The following SPRED2 variants were observed in gnomAD, a reference collection of about 807,000 sequenced individuals.
SPRED2 encodes sprouty-related, EVH1 domain-containing protein 2.
In SPRED2, 47 loss-of-function variants were observed where a neutral mutation model predicts 43.0. The observed-to-expected ratio is 1.09, with a 90% CI of 0.87 to 1.40. The LOEUF (loss-of-function observed/expected upper bound fraction) is 1.40. Among genes scored for constraint, SPRED2 ranks in the 40% most tolerant of loss-of-function variants. The pLI is 0.00. For missense variants in SPRED2, 561 were observed against 586.4 expected (o/e 0.96, Z 0.45); for synonymous variants, 225 against 225.7 (o/e 1.00, Z 0.03).
intron 1 of SPRED2, among the ~76,000 whole-genome samples, chr2:65,431,233 G>GCGCCCCCAGCGCGATGCCCCGCA (rs1676680303): frequency 6.6e-6 from 1 of 151,410 alleles, no homozygotes; most frequent in Admixed American, 6.6e-5. Context: ...ACACACACGC[G>GCGCCCCCAGCGCGATGCCCCGCA]CGCCCCCAGC....
At chr2:65,378,565 G>A (rs1393181127) in intron 1 of SPRED2, among the ~76,000 whole-genome samples, 1 of 152,188 alleles carries the variant, frequency 6.6e-6, no homozygotes, top group Non-Finnish European at 1.5e-5. Flanking sequence ...AAAAAGAGCT[G>A]TTAAAATGGC....
chr2:65,387,707 AT>A (rs1489339225), intron 1 of SPRED2, among the ~76,000 whole-genome samples: 1 of 152,194 alleles, frequency 6.6e-6, no homozygotes, highest in Non-Finnish European at 1.5e-5. Context: ...GAAACTAAAA[AT>A]GCCGATTTAC....
rs10541896 is a variant in SPRED2 at position 65,419,577 on chromosome 2, T to TTGTGTG, written c.26+12379_26+12384dup. On this transcript the variant is annotated intron_variant, in intron 1 of 5. Transcript: ENST00000356388. ...GCACTTCCCTTCACAGGGATTATAG[T>TTGTGTG]TGTGTGTGTGTGTGTGTGTGTGTGT... Among the ~76,000 whole-genome samples the TTGTGTG allele has an allele frequency of 3.8e-3, 566 of 148,978 alleles. 2 individuals carry two copies. Among genetic ancestry groups the TTGTGTG allele is most frequent in the Non-Finnish European group, 5.1e-3 (343 of 67,358 alleles).
At chr2:65,349,308 CAAAAAA>C (rs59019958) in intron 1 of SPRED2, among the ~76,000 whole-genome samples, 2 of 83,704 alleles carry the variant, frequency 2.4e-5, no homozygotes, top group Non-Finnish European at 2.3e-5. Context: ...GACTCTGTCT[CAAAAAA>C]AAAAAAAAAA....
intron 1 of SPRED2, among the ~76,000 whole-genome samples, chr2:65,430,951 T>A (rs1197439936): frequency 6.6e-6 from 1 of 151,592 alleles, no homozygotes; most frequent in Non-Finnish European, 1.5e-5. Context: ...ACCCCAGGCA[T>A]AAGACTTGAG....
rs1676052968 is a variant in SPRED2 at position 65,407,485 on chromosome 2, G to T, written c.26+24477C>A. ...CTATTGCTGTGTAGCCATGAGAGCT[G>T]CAATCAAGAAGGTAGGTGCATGGCA... is the stretch of plus-strand genomic sequence containing the variant. On this transcript the variant is annotated intron_variant, in intron 1 of 5. Transcript: ENST00000356388. Among the ~76,000 whole-genome samples the T allele has an allele frequency of 1.3e-5, 2 of 152,014 alleles. 1 individual carries two copies. Among genetic ancestry groups the T allele is most frequent in the South Asian group, 4.2e-4 (2 of 4,814 alleles).
chr2:65,384,878 C>T (rs1429663329), intron 1 of SPRED2, among the ~76,000 whole-genome samples: 6 of 152,148 alleles, frequency 3.9e-5, no homozygotes, highest in African/African-American at 1.4e-4. Context: ...CATTTCTGTG[C>T]CCTCCTCTCC....
At position 65,313,413 on chromosome 2, in the gene SPRED2, G is replaced by T; in HGVS notation, c.*88C>A. The T allele has an allele frequency of 6.6e-7, 1 of 1,513,976 alleles. No homozygotes were observed. Among genetic ancestry groups the T allele is most frequent in the Non-Finnish European group, 8.8e-7 (1 of 1,136,842 alleles). The allele number at this position is 1,513,976 out of a possible 1,614,324, so 93.8% of individuals were successfully genotyped here. A position where few individuals can be genotyped will look rare whatever the true frequency, so the allele number is the denominator to read the frequency against. On this transcript the variant is annotated 3_prime_UTR_variant, in exon 6 of 6. Coordinates refer to ENST00000356388, the MANE Select transcript of SPRED2 (RefSeq NM_181784.3). ...CCGCTTGCCCTCCTCGCTCCTTGGA[G>T]TGGAAGGGAGCGGGGGAGAAGATGA...
At chr2:65,310,734 T>G (rs1224107266), downstream of SPRED2, 2 of 336,308 alleles carry the variant, frequency 5.9e-6, no homozygotes, top group African/African-American at 4.5e-5. Flanking sequence ...CAGACCGGTG[T>G]CCACATGTCC....
At chr2:65,412,920 T>C (rs1333333716) in intron 1 of SPRED2, among the ~76,000 whole-genome samples, 1 of 152,202 alleles carries the variant, frequency 6.6e-6, no homozygotes, top group Non-Finnish European at 1.5e-5. Flanking sequence ...TTGCATTGAC[T>C]TGCGTGCACA....
At chr2:65,318,637 C>T (rs1167030637) in intron 4 of SPRED2, among the ~76,000 whole-genome samples, 2 of 149,358 alleles carry the variant, frequency 1.3e-5, no homozygotes, top group East Asian at 3.9e-4. Context: ...TGTATATTCC[C>T]CTCATCTCAT....
intron 2 of SPRED2, among the ~76,000 whole-genome samples, chr2:65,340,882 CTT>C (rs1674156951): frequency 6.6e-6 from 1 of 152,192 alleles, no homozygotes; most frequent in African/African-American, 2.4e-5. Flanking sequence ...TAATCTTCAT[CTT>C]TTCTTTGCCA....
rs1323788682 is a variant in SPRED2, at chr2:65,311,906, C to T, written c.*1595G>A. 5.3e-5 allele frequency: 52 copies of T among 985,300 alleles called. No homozygotes were observed. The highest frequency in any genetic ancestry group is 6.0e-5 in the Non-Finnish European group (50 of 829,958). The allele number at this position is 985,300 out of a possible 1,614,324, so 61.0% of individuals were successfully genotyped here. On this transcript the variant is annotated 3_prime_UTR_variant, in exon 6 of 6. Coordinates refer to ENST00000356388, the MANE Select transcript of SPRED2 (RefSeq NM_181784.3). Reference sequence around the variant, plus strand: ...GTCCCTTTCCTTGAAGACTGGTGTCCTGTGTGCAATAAAGAAGGAGTGGGG... The same window carrying T: ...GTCCCTTTCCTTGAAGACTGGTGTCTTGTGTGCAATAAAGAAGGAGTGGGG...
At chr2:65,322,294 A>ACATATTT (rs1673453714) in intron 4 of SPRED2, among the ~76,000 whole-genome samples, 1 of 64,930 alleles carries the variant, frequency 1.5e-5, no homozygotes, top group African/African-American at 7.1e-5. Flanking sequence ...ATATATATAT[A>ACATATTT]TTTTTTTTTT....
intron 1 of SPRED2, among the ~76,000 whole-genome samples, chr2:65,356,238 A>T (rs1197055746): frequency 6.6e-6 from 1 of 152,200 alleles, no homozygotes; most frequent in African/African-American, 2.4e-5. Context: ...AAATGCATTT[A>T]AAAAAACATG....
intron 1 of SPRED2, among the ~76,000 whole-genome samples, chr2:65,357,525 A>AC (rs1304928776): frequency 1.3e-5 from 2 of 152,138 alleles, no homozygotes; most frequent in African/African-American, 4.8e-5. Context: ...CTCTGTGACA[A>AC]CCCCCGATCA....
At chr2:65,327,773 G>C (rs902119535) in intron 4 of SPRED2, among the ~76,000 whole-genome samples, 3 of 140,376 alleles carry the variant, frequency 2.1e-5, no homozygotes, top group African/African-American at 8.1e-5. Context: ...GCCCAGGCTG[G>C]AGTGCAATGG....
intron 1 of SPRED2, among the ~76,000 whole-genome samples, chr2:65,371,533 G>A (rs1413420494): frequency 1.3e-5 from 2 of 152,182 alleles, no homozygotes; most frequent in Admixed American, 6.5e-5. Context: ...GGCGGCGGAG[G>A]CAGATGATTT....
rs148972814 is a variant in SPRED2 at position 65,378,051 on chromosome 2, GGA to G, written c.27-33157_27-33156del. ...ACCAGAAGGGCTAAGGAAGGAAGGAGGAGAGAGCCCATCCAGTAAACATCAGC... is the reference window on the plus strand; with the variant it reads ...ACCAGAAGGGCTAAGGAAGGAAGGAGGAGAGCCCATCCAGTAAACATCAGC... On this transcript the variant is annotated intron_variant, in intron 1 of 5. Transcript: ENST00000356388. The G allele has an allele frequency of 2.0e-3, 420 of 206,108 alleles. 2 individuals are homozygous for G. The highest frequency in any genetic ancestry group is 9.3e-3 in the African/African-American group (407 of 43,848). 12.8% of individuals were successfully genotyped at this position (206,108 alleles called of 1,614,324 possible).
Sources: allele counts gnomAD v4.1 joint callset (sites outside exome capture counted in the v4.1 genomes callset), GRCh38; gene constraint gnomAD v4.1.1; transcripts MANE v1.5; gene names NCBI Gene and HGNC (gene_info 2026-07-23, HGNC 2026-07-21).